ST3GAL2: variants seen among roughly 807,000 people sequenced by gnomAD.
ST3GAL2 encodes ST3 beta-galactoside alpha-2,3-sialyltransferase 2.
In ST3GAL2, 16 loss-of-function variants were observed where a neutral mutation model predicts 37.5. The observed-to-expected ratio is 0.43, with a 90% CI of 0.29 to 0.65. The LOEUF (loss-of-function observed/expected upper bound fraction) is 0.65, where lower values mean the gene tolerates loss of function less well. Among genes scored for constraint, ST3GAL2 ranks in the 30% least tolerant of loss-of-function variants. ST3GAL2 has a pLI of 0.17. For synonymous variants in ST3GAL2, 238 were observed against 202.9 expected (o/e 1.17, Z -1.47); for missense variants, 383 against 487.8 (o/e 0.79, Z 2.02).
At chr16:70,404,419 T>C (rs1423440104) in intron 1 of ST3GAL2, among the ~76,000 whole-genome samples, 4 of 152,140 alleles carry the variant, frequency 2.6e-5, no homozygotes, top group Non-Finnish European at 2.9e-5. Context: ...TCCAGGGGTA[T>C]TGCGAGGCTC....
chr16:70,390,387 A>G (rs1361066498), intron 3 of ST3GAL2, among the ~76,000 whole-genome samples: 1 of 152,178 alleles, frequency 6.6e-6, no homozygotes, highest in African/African-American at 2.4e-5. Context: ...ATAATTTTTT[A>G]AAGAAACAAC....
chr16:70,431,836 T>C (rs1031362600), intron 1 of ST3GAL2, among the ~76,000 whole-genome samples: 2 of 151,750 alleles, frequency 1.3e-5, no homozygotes, highest in East Asian at 3.9e-4. Flanking sequence ...TGGTGGCGGG[T>C]GCCTGTAGTC....
chr16:70,422,394 TG>T (rs1298349860), intron 1 of ST3GAL2, among the ~76,000 whole-genome samples: 4 of 152,190 alleles, frequency 2.6e-5, no homozygotes, highest in Admixed American at 1.3e-4. Flanking sequence ...GACATGGGAC[TG>T]GGGGACCAGT....
chr16:70,385,998 C>T (rs1597555310), intron 4 of ST3GAL2, among the ~76,000 whole-genome samples: 1 of 152,022 alleles, frequency 6.6e-6, no homozygotes, highest in East Asian at 1.9e-4. Context: ...TGAGCCACTG[C>T]ACCCGGCAGA....
intron 1 of ST3GAL2, among the ~76,000 whole-genome samples, chr16:70,433,400 A>T (rs1229907222): frequency 1.3e-5 from 2 of 152,114 alleles, no homozygotes; most frequent in Admixed American, 1.3e-4. Context: ...ACCACCTGTC[A>T]GTTCAAGTCC....
chr16:70,394,958 C>A (rs1268425751), intron 3 of ST3GAL2, 24 bp downstream of exon 3: 2 of 1,606,898 alleles, frequency 1.2e-6, no homozygotes, highest in African/African-American at 1.3e-5. Context: ...CCTGAGCCCA[C>A]CCTTGGGCTC....
intron 1 of ST3GAL2, among the ~76,000 whole-genome samples, chr16:70,433,171 T>C (rs954183635): frequency 1.3e-5 from 2 of 152,218 alleles, no homozygotes; most frequent in Non-Finnish European, 2.9e-5. Flanking sequence ...CCCATCAGTG[T>C]CTGCTCTGAA....
rs2047406974 is a variant in ST3GAL2 at position 70,381,704 on chromosome 16, G to C, written c.1038C>G (p.Val346=). The C allele has an allele frequency of 5.6e-6, 9 of 1,613,800 alleles. No homozygotes were observed. Among genetic ancestry groups the C allele is most frequent in the Non-Finnish European group, 7.6e-6 (9 of 1,179,874 alleles). ...GAGGCCCGGCTCAGTTGCCCCGGTA[G>C]ACTTCGATCTTGCTGGCCTTGGCCA... ...DMLAKASKIE[V]YRGN The change falls in exon 7 of 7, where the codon GTC becomes GTG. Residue 346 remains valine, a synonymous_variant. Coordinates refer to ENST00000342907, the MANE Select transcript of ST3GAL2 (RefSeq NM_006927.4).
intron 1 of ST3GAL2, among the ~76,000 whole-genome samples, chr16:70,423,830 G>A (rs2047732280): frequency 6.6e-6 from 1 of 151,792 alleles, no homozygotes; most frequent in African/African-American, 2.4e-5. Flanking sequence ...CAGCACTTTA[G>A]GAGGCTGAGG....
intron 2 of ST3GAL2, among the ~76,000 whole-genome samples, chr16:70,395,799 G>C (rs982402189): frequency 6.6e-6 from 1 of 152,166 alleles, no homozygotes; most frequent in African/African-American, 2.4e-5. Flanking sequence ...TGCCACACAG[G>C]AGTGACATGG....
chr16:70,435,407 C>T (rs919327602), intron 1 of ST3GAL2, among the ~76,000 whole-genome samples: 2 of 151,978 alleles, frequency 1.3e-5, no homozygotes, highest in Non-Finnish European at 2.9e-5. Flanking sequence ...ACCAGCCTGA[C>T]CAACATGGAG....
chr16:70,398,824 G>C lies in ST3GAL2; in HGVS notation c.-294C>G. 3.5e-6 allele frequency: 2 copies of C among 565,040 alleles called. No individual in the cohort carries two copies. The highest frequency in any genetic ancestry group is 4.9e-5 in the South Asian group (2 of 40,498). 35.0% of individuals were successfully genotyped at this position (565,040 alleles called of 1,614,324 possible). ...GAGGCTCTGCCTCTCCTGCCACCCT[G>C]GTGAGGGGGAGGTCAGTCCATTGCA... On this transcript the variant is annotated 5_prime_UTR_variant, in exon 2 of 7. Coordinates refer to ENST00000342907, the MANE Select transcript of ST3GAL2 (RefSeq NM_006927.4).
At chr16:70,409,837 A>G (rs529343175) in intron 1 of ST3GAL2, among the ~76,000 whole-genome samples, 100 of 145,754 alleles carry the variant, frequency 6.9e-4, no homozygotes, top group African/African-American at 2.5e-3. Context: ...TCATAAAGAC[A>G]GGGTCTTGCT....
intron 1 of ST3GAL2, among the ~76,000 whole-genome samples, chr16:70,405,084 A>T (rs952495981): frequency 6.6e-6 from 1 of 152,096 alleles, no homozygotes; most frequent in Non-Finnish European, 1.5e-5. Context: ...AGCATTATTC[A>T]TAAGAGTGCC....
intron 1 of ST3GAL2, among the ~76,000 whole-genome samples, chr16:70,426,451 C>T (rs1237862633): frequency 6.6e-6 from 1 of 151,812 alleles, no homozygotes; most frequent in Non-Finnish European, 1.5e-5. Flanking sequence ...CCGCCTGCCT[C>T]GGCCTCCCAA....
At chr16:70,420,631 G>A (rs7195104) in intron 1 of ST3GAL2, among the ~76,000 whole-genome samples, 12,192 of 152,234 alleles carry the variant, frequency 0.08, 1,628 homozygotes, top group African/African-American at 0.28. Flanking sequence ...GGCAGGGTCC[G>A]AAAGCTTTGG....
At position 70,381,878 on chromosome 16, in the gene ST3GAL2, G is replaced by T; in HGVS notation, c.880-16C>A. The T allele has an allele frequency of 6.2e-7, 1 of 1,612,200 alleles. No homozygotes were observed. The highest frequency in any genetic ancestry group is 2.2e-5 in the East Asian group (1 of 44,830). ...ACACGTTCACCTGCGGGGAAGCGCA[G>T]CGGAGCGTCACCCCAGGCGGGGACC... On this transcript the variant is annotated splice_polypyrimidine_tract_variant and intron_variant, in intron 6 of 6. Coordinates refer to ENST00000342907, the MANE Select transcript of ST3GAL2 (RefSeq NM_006927.4).
At chr16:70,383,997 G>A (rs1161825650) in intron 4 of ST3GAL2, among the ~76,000 whole-genome samples, 1 of 151,950 alleles carries the variant, frequency 6.6e-6, no homozygotes. Flanking sequence ...ACTCCCCTCA[G>A]GCTTCCCAGA....
At chr16:70,383,914 GCT>G (rs926942402) in intron 4 of ST3GAL2, among the ~76,000 whole-genome samples, 11 of 151,346 alleles carry the variant, frequency 7.3e-5, no homozygotes, top group Admixed American at 6.7e-4. Context: ...TCCTCCCCTA[GCT>G]CTCTGCTCCA....
Sources: gnomAD v4.1 joint callset for allele counts (sites outside exome capture counted in the v4.1 genomes callset) on GRCh38, gnomAD v4.1.1 for gene constraint, MANE v1.5 for transcripts, NCBI Gene and HGNC (gene_info 2026-07-23, HGNC 2026-07-21) for gene names.